WDR82: variants seen among roughly 807,000 people sequenced by gnomAD.
WDR82 encodes WD repeat domain 82.
A neutral mutation model predicts 36.1 loss-of-function variants in WDR82; 8 were observed. That is an observed-to-expected ratio of 0.22 (90% CI 0.13 to 0.40). WDR82 has a LOEUF of 0.40. Among genes scored for constraint, WDR82 ranks in the 10% least tolerant of loss-of-function variants. The pLI is 1.00. For synonymous variants in WDR82, 129 were observed against 137.8 expected, an observed-to-expected ratio of 0.94 and a Z score of 0.45; for missense variants, 185 against 400.5, an observed-to-expected ratio of 0.46 and a Z score of 4.59.
At position 52,278,336 on chromosome 3, in the gene WDR82, C is replaced by T; in HGVS notation, c.26G>A (p.Arg9Gln). 6.3e-7 allele frequency: 1 copy of T among 1,590,382 alleles called. No homozygotes were observed. The highest frequency in any genetic ancestry group is 8.5e-7 in the Non-Finnish European group (1 of 1,170,794). ...GAACACCTTAGCGACGCGGAAGCTC[C>T]GCAACACGCTGTCGGTCAGCTTCAT... MKLTDSVL[R>Q]SFRVAKVFRE... The change falls in exon 1 of 9, where the codon CGG (arginine) becomes CAG (glutamine). Residue 9 changes from arginine to glutamine, a missense_variant. Coordinates refer to ENST00000296490, the MANE Select transcript of WDR82 (RefSeq NM_025222.4).
chr3:52,256,525 A>T lies in WDR82; in HGVS notation c.*965T>A, dbSNP rs1053996114. The T allele has an allele frequency of 6.5e-6, 1 of 153,796 alleles. No individual in the cohort carries two copies. The highest frequency in any genetic ancestry group is 2.4e-5 in the African/African-American group (1 of 41,452). 9.5% of individuals were successfully genotyped at this position (153,796 alleles called of 1,614,324 possible). A position where few individuals can be genotyped will look rare whatever the true frequency, so the allele number is the denominator to read the frequency against. On this transcript the variant is annotated 3_prime_UTR_variant, in exon 9 of 9. Transcript: ENST00000296490. ...GTTGGGAGCTGGGGAAAGGGGTGGT[A>T]TCATCTGAAGACTATGTACACAATT...
chr3:52,257,309 G>A lies in WDR82; in HGVS notation c.*181C>T, dbSNP rs1188545248. The A allele has an allele frequency of 1.3e-6, 1 of 755,080 alleles. No individual in the cohort carries two copies. The highest frequency in any genetic ancestry group is 2.1e-6 in the Non-Finnish European group (1 of 472,418). The allele number at this position is 755,080 out of a possible 1,614,324, so 46.8% of individuals were successfully genotyped here. ...CTGTTGCACCAAGAGTCCTTTTGAA[G>A]ACGCTCATCAAAGTAATTATTTTCT... On this transcript the variant is annotated 3_prime_UTR_variant, in exon 9 of 9. Transcript: ENST00000296490.
chr3:52,261,315 G>T, intron 4 of WDR82, 65 bp downstream of exon 4: 2 of 1,345,120 alleles, frequency 1.5e-6, no homozygotes, highest in Non-Finnish European at 2.1e-6. Context: ...TCTTTGAGAG[G>T]TAGAGTTCAT....
At chr3:52,271,007 TAGAA>T (rs1700148382) in intron 1 of WDR82, among the ~76,000 whole-genome samples, 198 bp from the exon 2 acceptor site, 1 of 152,210 alleles carries the variant, frequency 6.6e-6, no homozygotes, top group African/African-American at 2.4e-5. Context: ...CTTTCCACCT[TAGAA>T]CACCTAGTGG....
Position 52,261,486 on chromosome 3 carries a change from T to C in WDR82, c.327-7A>G, listed in dbSNP as rs754751360. The C allele has an allele frequency of 1.9e-6, 3 of 1,601,564 alleles. No homozygotes were observed. The Admixed American group carries it at 5.4e-5, about 29-fold the overall frequency. On this transcript the variant is annotated splice_region_variant and splice_polypyrimidine_tract_variant and intron_variant, in intron 3 of 8. Coordinates refer to ENST00000296490, the MANE Select transcript of WDR82 (RefSeq NM_025222.4). ...CATGGACAAGGCCACCACCCTGCAA[T>C]ACATCGAGATAAATAGGAGTTGATG... is the stretch of plus-strand genomic sequence containing the variant.
At chr3:52,274,948 C>T (rs898187768) in intron 1 of WDR82, among the ~76,000 whole-genome samples, 7 of 151,500 alleles carry the variant, frequency 4.6e-5, no homozygotes, top group Admixed American at 3.3e-4. Context: ...AAAGGCCGGG[C>T]GCAGTGGCTC....
intron 2 of WDR82, chr3:52,267,302 C>T (rs1700114375): frequency 1.7e-5 from 5 of 297,302 alleles, no homozygotes; most frequent in South Asian, 1.5e-4. Context: ...GCAACTCCCA[C>T]CCTGCAAATA....
chr3:52,270,345 C>T (rs892341203), intron 2 of WDR82, among the ~76,000 whole-genome samples: 2 of 152,224 alleles, frequency 1.3e-5, no homozygotes, highest in African/African-American at 4.8e-5. Context: ...GTCTTGAACT[C>T]CTGACCTCAG....
At chr3:52,270,636 G>T in intron 2 of WDR82, 76 bp downstream of exon 2, 2 of 1,099,850 alleles carry the variant, frequency 1.8e-6, no homozygotes, top group African/African-American at 1.6e-5. Context: ...TCACAAAGCA[G>T]AAGTAGTCAC....
chr3:52,268,153 C>T (rs1413193110), intron 2 of WDR82: 5 of 301,880 alleles, frequency 1.7e-5, no homozygotes, highest in Admixed American at 4.2e-5. Context: ...TCTAGTTATT[C>T]TACTGCTAAC....
At chr3:52,268,577 A>G (rs1455477522) in intron 2 of WDR82, among the ~76,000 whole-genome samples, 1 of 152,180 alleles carries the variant, frequency 6.6e-6, no homozygotes, top group Non-Finnish European at 1.5e-5. Flanking sequence ...TCACATAGAC[A>G]TGTTTCCTCA....
At position 52,254,888 on chromosome 3, in the gene WDR82, C is replaced by G. The variant is rs1296273324; in HGVS notation, c.*2602G>C. 2.6e-5 allele frequency: 4 copies of G among 152,128 alleles called. No individual in the cohort carries two copies. Among genetic ancestry groups the G allele is most frequent in the Non-Finnish European group, 4.4e-5 (3 of 68,088 alleles). 9.4% of individuals were successfully genotyped at this position (152,128 alleles called of 1,614,324 possible). On this transcript the variant is annotated 3_prime_UTR_variant, in exon 9 of 9. Coordinates refer to ENST00000296490, the MANE Select transcript of WDR82 (RefSeq NM_025222.4). The stretch of plus-strand genomic sequence containing the variant: ...TATCTTTTCCCTTTCCTTCTTAATT[C>G]AGGAGGCAGCTTTGCAACCACAGGG...
At position 52,256,634 on chromosome 3, in the gene WDR82, T is replaced by C. The variant is rs1215188776; in HGVS notation, c.*856A>G. 1.3e-5 allele frequency: 2 copies of C among 153,692 alleles called. No individual in the cohort carries two copies. Among genetic ancestry groups the C allele is most frequent in the Non-Finnish European group, 2.9e-5 (2 of 68,054 alleles). 9.5% of individuals were successfully genotyped at this position (153,692 alleles called of 1,614,324 possible). A position where few individuals can be genotyped will look rare whatever the true frequency, so the allele number is the denominator to read the frequency against. On this transcript the variant is annotated 3_prime_UTR_variant, in exon 9 of 9. Transcript: ENST00000296490. ...CCACAGGTAAGTGTGATGTATCTCA[T>C]GTACAAAAATAGACTCCCACCTTGC...
chr3:52,260,159 A>G (rs113895715), intron 5 of WDR82, among the ~76,000 whole-genome samples: 25,010 of 152,060 alleles, frequency 0.16, 2,837 homozygotes, highest in African/African-American at 0.32. Context: ...GGTGAAACCC[A>G]TCTCTACTAA....
chr3:52,266,441 T>C (rs1490206870), intron 3 of WDR82, among the ~76,000 whole-genome samples: 1 of 152,030 alleles, frequency 6.6e-6, no homozygotes, highest in African/African-American at 2.4e-5. Flanking sequence ...AAAATATATA[T>C]ACATATATAT....
chr3:52,261,278 C>T, intron 4 of WDR82, 102 bp downstream of exon 4: 1 of 1,058,720 alleles, frequency 9.4e-7, no homozygotes, highest in Non-Finnish European at 1.4e-6. Context: ...CCCTGTGATC[C>T]CAGAATGGAA....
chr3:52,257,481 G>C lies in WDR82; in HGVS notation c.*9C>G. The C allele has an allele frequency of 2.5e-6, 4 of 1,614,104 alleles. No homozygotes were observed. The highest frequency in any genetic ancestry group is 3.4e-6 in the Non-Finnish European group (4 of 1,180,016). ...CTCACTATACAGAAATAGCCAAGCAGCAACAGGGTCAGTCATCAATGGTGG... is the reference window on the plus strand; with the variant it reads ...CTCACTATACAGAAATAGCCAAGCACCAACAGGGTCAGTCATCAATGGTGG... On this transcript the variant is annotated 3_prime_UTR_variant, in exon 9 of 9. Transcript: ENST00000296490.
At chr3:52,277,294 G>A (rs193248247) in intron 1 of WDR82, among the ~76,000 whole-genome samples, 234 of 151,334 alleles carry the variant, frequency 1.5e-3, no homozygotes, top group African/African-American at 5.3e-3. Context: ...CAGGGAAAAA[G>A]GCAAAGTGCT....
chr3:52,278,086 C>A, intron 1 of WDR82, 115 bp downstream of exon 1: 2 of 1,171,654 alleles, frequency 1.7e-6, no homozygotes, highest in Non-Finnish European at 2.2e-6. Context: ...CTGGCAGGAA[C>A]GCGTGCAAAA....
Sources: allele counts gnomAD v4.1 joint callset (sites outside exome capture counted in the v4.1 genomes callset), GRCh38; gene constraint gnomAD v4.1.1; transcripts MANE v1.5; gene names NCBI Gene and HGNC (gene_info 2026-07-23, HGNC 2026-07-21).